Variants in DLG2 observed in about 807,000 individuals in gnomAD.
DLG2 encodes discs large MAGUK scaffold protein 2, also known as disks large homolog 2.
Under a neutral mutation model 132.5 loss-of-function variants are expected in DLG2, and 45 were observed. The observed-to-expected ratio is 0.34, with a 90% CI of 0.27 to 0.44. DLG2 has a LOEUF of 0.44. Ranked by LOEUF, DLG2 falls within the 20% of genes least tolerant of loss-of-function variation. The pLI is 1.00. For synonymous variants in DLG2, 424 were observed against 419.6 expected, an observed-to-expected ratio of 1.01 and a Z score of -0.13; for missense variants, 1,045 against 1,196.9, an observed-to-expected ratio of 0.87 and a Z score of 1.87.
chr11:85,402,203 C>G (rs895382513), intron 3 of DLG2, among the ~76,000 whole-genome samples: 3 of 152,186 alleles, frequency 2.0e-5, no homozygotes, highest in African/African-American at 7.2e-5. Flanking sequence ...CTACATCCAT[C>G]TGGTCCTTGA....
chr11:83,635,501 C>T (rs2064555780), intron 18 of DLG2, among the ~76,000 whole-genome samples: 1 of 152,032 alleles, frequency 6.6e-6, no homozygotes, highest in African/African-American at 2.4e-5. Flanking sequence ...CTTCTGCCTT[C>T]CCTTACCTTC....
At chr11:85,577,206 G>A (rs887375688) in intron 3 of DLG2, among the ~76,000 whole-genome samples, 6 of 152,124 alleles carry the variant, frequency 3.9e-5, no homozygotes, top group Non-Finnish European at 7.4e-5. Context: ...GCTATGCAGA[G>A]AACAGATTGG....
intron 7 of DLG2, among the ~76,000 whole-genome samples, chr11:84,472,728 T>C (rs996690402): frequency 2.0e-5 from 3 of 151,888 alleles, no homozygotes; most frequent in African/African-American, 7.2e-5. Context: ...ATATTTGGGG[T>C]ATACTTAATC....
intron 6 of DLG2, among the ~76,000 whole-genome samples, chr11:84,763,649 AC>A (rs1443115751): frequency 6.6e-6 from 1 of 152,100 alleles, no homozygotes; most frequent in Non-Finnish European, 1.5e-5. Context: ...CTCTCTACTT[AC>A]CCCAACTTCT....
intron 3 of DLG2, among the ~76,000 whole-genome samples, chr11:85,375,061 C>CT (rs893031740): frequency 2.3e-4 from 34 of 150,572 alleles, no homozygotes; most frequent in East Asian, 7.8e-4. Context: ...CTTTTCATTT[C>CT]TTTTTTTTTC....
At chr11:84,002,696 A>AT (rs1242871452) in intron 11 of DLG2, among the ~76,000 whole-genome samples, 3 of 151,502 alleles carry the variant, frequency 2.0e-5, no homozygotes, top group Non-Finnish European at 4.4e-5. Context: ...CACAAAAACC[A>AT]TTTTTTTCTC....
intron 6 of DLG2, among the ~76,000 whole-genome samples, chr11:85,007,008 C>G (rs781532034): frequency 1.3e-5 from 2 of 152,130 alleles, no homozygotes; most frequent in Non-Finnish European, 2.9e-5. Flanking sequence ...TTTTTGAGAA[C>G]TTGATTTATT....
chr11:85,562,952 A>G (rs2077336708), intron 3 of DLG2, among the ~76,000 whole-genome samples: 1 of 151,876 alleles, frequency 6.6e-6, no homozygotes, highest in East Asian at 1.9e-4. Context: ...CTTCCAGTGT[A>G]TAATATCTTC....
chr11:84,538,034 T>C (rs531064327), intron 6 of DLG2, among the ~76,000 whole-genome samples: 1 of 152,200 alleles, frequency 6.6e-6, no homozygotes, highest in Non-Finnish European at 1.5e-5. Context: ...ATGCTAAGAA[T>C]ATGAACTGAA....
At chr11:85,338,275 G>A (rs956767688) in intron 3 of DLG2, among the ~76,000 whole-genome samples, 3 of 152,120 alleles carry the variant, frequency 2.0e-5, no homozygotes, top group African/African-American at 4.8e-5. Flanking sequence ...CAAGAAAAAC[G>A]TAAATCAAAA....
intron 4 of DLG2, among the ~76,000 whole-genome samples, chr11:85,276,987 A>C (rs531463387): frequency 2.6e-5 from 4 of 152,170 alleles, no homozygotes; most frequent in Admixed American, 6.5e-5. Flanking sequence ...TCATTAGAAA[A>C]TTCGTGATTG....
At chr11:84,838,758 T>C (rs554422059) in intron 6 of DLG2, among the ~76,000 whole-genome samples, 4 of 152,160 alleles carry the variant, frequency 2.6e-5, no homozygotes, top group Admixed American at 6.6e-5. Flanking sequence ...ATTATCTCAA[T>C]AGATGCAGAA....
At chr11:83,897,637 A>G (rs61901783) in intron 15 of DLG2, among the ~76,000 whole-genome samples, 14,679 of 152,204 alleles carry the variant, frequency 0.096, 837 homozygotes, top group Middle Eastern at 0.2. Context: ...CATTAAATCA[A>G]TCACCCATTG....
intron 6 of DLG2, among the ~76,000 whole-genome samples, chr11:84,827,409 G>T (rs1452758430): frequency 6.6e-6 from 1 of 151,548 alleles, no homozygotes; most frequent in Non-Finnish European, 1.5e-5. Flanking sequence ...GATTTCATGG[G>T]GTGTTTAAAA....
chr11:85,052,332 G>T (rs574370452), intron 6 of DLG2, among the ~76,000 whole-genome samples: 1 of 152,114 alleles, frequency 6.6e-6, no homozygotes, highest in Admixed American at 6.6e-5. Context: ...TACTACTCAC[G>T]AAGTGGTTGT....
chr11:84,057,672 A>G lies in DLG2; in HGVS notation c.919+1643T>C, dbSNP rs1423242740. Among the ~76,000 whole-genome samples, 4 of 152,214 alleles carry G rather than the reference A, an allele frequency of 2.6e-5. No homozygotes were observed. In the South Asian group the frequency reaches 6.2e-4, roughly 24 times the overall value. On this transcript the variant is annotated intron_variant, in intron 11 of 27. Coordinates refer to ENST00000376104, the MANE Select transcript of DLG2 (RefSeq NM_001142699.3). Reference sequence around the variant, plus strand: ...AAAACCATATGTAGTAAATAATAGTACAGATAACATGCATATGTAGCTAAT... The same window carrying G: ...AAAACCATATGTAGTAAATAATAGTGCAGATAACATGCATATGTAGCTAAT...
At chr11:84,691,064 T>C (rs754343774) in intron 6 of DLG2, among the ~76,000 whole-genome samples, 2 of 152,008 alleles carry the variant, frequency 1.3e-5, no homozygotes, top group Non-Finnish European at 2.9e-5. Context: ...TGCCCTTTCA[T>C]CTTTAACATT....
intron 3 of DLG2, among the ~76,000 whole-genome samples, chr11:85,497,831 G>C (rs564193161): frequency 3.2e-4 from 48 of 152,272 alleles, no homozygotes; most frequent in African/African-American, 1.1e-3. Flanking sequence ...GCCAAACTAA[G>C]CTTCATAAGT....
intron 3 of DLG2, among the ~76,000 whole-genome samples, chr11:85,423,371 T>C (rs1296409073): frequency 2.0e-5 from 3 of 152,156 alleles, no homozygotes; most frequent in African/African-American, 7.2e-5. Flanking sequence ...GTTCTTAGCT[T>C]TGGTGGTTTA....
Sources: gnomAD v4.1 joint callset for allele counts (sites outside exome capture counted in the v4.1 genomes callset) on GRCh38, gnomAD v4.1.1 for gene constraint, MANE v1.5 for transcripts, NCBI Gene and HGNC (gene_info 2026-07-23, HGNC 2026-07-21) for gene names.